The following FHIT variants were observed in gnomAD, a reference collection of about 807,000 sequenced individuals.
The protein encoded by FHIT is bis(5'-adenosyl)-triphosphatase.
Under a neutral mutation model 17.9 loss-of-function variants are expected in FHIT, and 19 were observed. The observed-to-expected ratio is 1.06, with a 90% CI of 0.74 to 1.56. The LOEUF is 1.56. Ranked by LOEUF, FHIT falls within the 40% of genes most tolerant of loss-of-function variation. The pLI, the probability that FHIT is intolerant of heterozygous loss-of-function variation, is 0.00. For synonymous variants in FHIT, 81 were observed against 69.7 expected (o/e 1.16, Z -0.81); for missense variants, 248 against 189.2 (o/e 1.31, Z -1.82).
At chr3:60,849,549 G>C (rs1419135352) in intron 3 of FHIT, among the ~76,000 whole-genome samples, 2 of 151,242 alleles carry the variant, frequency 1.3e-5, no homozygotes, top group African/African-American at 2.4e-5. Flanking sequence ...AGTAAGTGAG[G>C]TTTTTACTTT....
intron 4 of FHIT, among the ~76,000 whole-genome samples, chr3:60,577,935 C>G (rs1307338013): frequency 6.6e-6 from 1 of 152,132 alleles, no homozygotes; most frequent in Non-Finnish European, 1.5e-5. Flanking sequence ...GCACGCTCTT[C>G]AAAAGGCTAA....
chr3:60,912,042 C>A (rs1706770742), intron 3 of FHIT, among the ~76,000 whole-genome samples: 1 of 101,124 alleles, frequency 9.9e-6, no homozygotes, highest in South Asian at 2.8e-4. Context: ...CTGCCTTACA[C>A]ACACACACAC....
At chr3:60,553,405 G>A (rs931023409) in intron 4 of FHIT, 42 of 972,706 alleles carry the variant, frequency 4.3e-5, no homozygotes, top group African/African-American at 1.1e-4. Context: ...TTGATCCGAC[G>A]GAGACCTTTT....
intron 7 of FHIT, among the ~76,000 whole-genome samples, chr3:59,963,467 A>G (rs114688155): frequency 0.021 from 3,192 of 152,014 alleles, 111 homozygotes; most frequent in African/African-American, 0.072. Flanking sequence ...TGAGAGAGAG[A>G]AGGAGGAGGA....
intron 5 of FHIT, among the ~76,000 whole-genome samples, chr3:60,290,372 T>G (rs1559793305): frequency 6.6e-6 from 1 of 152,078 alleles, no homozygotes; most frequent in African/African-American, 2.4e-5. Context: ...GTGATTTGTT[T>G]ATAAATGACT....
intron 5 of FHIT, among the ~76,000 whole-genome samples, chr3:60,070,090 G>A (rs1702699454): frequency 6.6e-6 from 1 of 152,110 alleles, no homozygotes; most frequent in Admixed American, 6.5e-5. Flanking sequence ...TGTGGACCAT[G>A]CTGCTTTGCA....
chr3:60,682,526 C>T (rs1450723904), intron 4 of FHIT, among the ~76,000 whole-genome samples: 1 of 152,188 alleles, frequency 6.6e-6, no homozygotes, highest in African/African-American at 2.4e-5. Context: ...ACAGGAAAGC[C>T]TAGATGACAG....
intron 4 of FHIT, among the ~76,000 whole-genome samples, chr3:60,646,791 CTGAT>C (rs1553686848): frequency 6.6e-6 from 1 of 152,154 alleles, no homozygotes; most frequent in Admixed American, 6.5e-5. Flanking sequence ...TGTAAAGTAA[CTGAT>C]TATTTCACTG....
At chr3:60,489,676 G>A (rs2033983078) in intron 5 of FHIT, among the ~76,000 whole-genome samples, 1 of 152,268 alleles carries the variant, frequency 6.6e-6, no homozygotes, top group East Asian at 1.9e-4. Flanking sequence ...AGAATAACAA[G>A]TTTTTGAACT....
chr3:60,759,662 T>C (rs535984981), intron 4 of FHIT, among the ~76,000 whole-genome samples: 6 of 152,026 alleles, frequency 3.9e-5, no homozygotes. Flanking sequence ...AAAAAAAGTA[T>C]GTCACGAAGG....
Position 59,861,801 on chromosome 3 carries a change from T to C in FHIT, c.348+60545A>G, listed in dbSNP as rs370483634. ...TATATTTTTATGCCAAAAAGTTAAA[T>C]AGTAAACAATACAGCTGAGGAAGAA... On this transcript the variant is annotated intron_variant, in intron 8 of 9. Coordinates refer to ENST00000492590, the MANE Select transcript of FHIT (RefSeq NM_002012.4). Among the ~76,000 whole-genome samples, 17 of 152,092 alleles carry C rather than the reference T, an allele frequency of 1.1e-4. No individual in the cohort carries two copies. In the East Asian group the frequency reaches 3.3e-3, roughly 29 times the overall value.
chr3:60,339,587 C>T (rs370351013), intron 5 of FHIT, among the ~76,000 whole-genome samples: 7 of 152,280 alleles, frequency 4.6e-5, no homozygotes, highest in East Asian at 1.9e-4. Context: ...TCTCATTTAC[C>T]CTCTAGAATT....
chr3:60,134,447 C>A (rs1004597322), intron 5 of FHIT, among the ~76,000 whole-genome samples: 1 of 152,140 alleles, frequency 6.6e-6, no homozygotes, highest in Non-Finnish European at 1.5e-5. Context: ...TTTTAAAAAG[C>A]AGGGAATCAC....
At chr3:61,184,403 A>G (rs1388570876) in intron 2 of FHIT, among the ~76,000 whole-genome samples, 1 of 152,122 alleles carries the variant, frequency 6.6e-6, no homozygotes, top group Non-Finnish European at 1.5e-5. Context: ...GGGAGGCTGA[A>G]GCCAACCAAA....
chr3:61,157,187 C>T, intron 2 of FHIT, among the ~76,000 whole-genome samples: 1 of 151,788 alleles, frequency 6.6e-6, no homozygotes, highest in Non-Finnish European at 1.5e-5. Context: ...AGGGATACAT[C>T]TATATATATA....
intron 3 of FHIT, among the ~76,000 whole-genome samples, chr3:60,861,451 C>T (rs1400478127): frequency 6.6e-6 from 1 of 150,732 alleles, no homozygotes; most frequent in African/African-American, 2.4e-5. Flanking sequence ...GGCCTCTATC[C>T]TGCTAGATGC....
In FHIT at chr3:60,738,799, A is replaced by C. The variant is rs545137097; in HGVS notation, c.-18+83120T>G. Among the ~76,000 whole-genome samples the C allele has an allele frequency of 2.0e-5, 3 of 152,366 alleles. No individual in the cohort carries two copies. The East Asian group carries it at 5.8e-4, about 29-fold the overall frequency. ...AAGACAAGGAAATACTGGGTAGAAG[A>C]GGGAGGTTCCCTGGCAAAGGCCCCA... On this transcript the variant is annotated intron_variant, in intron 4 of 9. Coordinates refer to ENST00000492590, the MANE Select transcript of FHIT (RefSeq NM_002012.4).
chr3:60,004,751 T>A (rs1427765799), intron 7 of FHIT, among the ~76,000 whole-genome samples: 1 of 152,176 alleles, frequency 6.6e-6, no homozygotes, highest in African/African-American at 2.4e-5. Flanking sequence ...TTCCAGTATG[T>A]GATTTTTTTT....
chr3:59,935,768 T>C (rs544379706), intron 7 of FHIT, among the ~76,000 whole-genome samples: 2 of 151,954 alleles, frequency 1.3e-5, no homozygotes, highest in South Asian at 2.1e-4. Context: ...GATAGGTGCA[T>C]GGATGGATGA....
Sources: allele counts gnomAD v4.1 joint callset (sites outside exome capture counted in the v4.1 genomes callset), GRCh38; gene constraint gnomAD v4.1.1; transcripts MANE v1.5; gene names NCBI Gene and HGNC (gene_info 2026-07-23, HGNC 2026-07-21).